ROR1: variants seen among roughly 807,000 people sequenced by gnomAD.
The protein encoded by ROR1 is inactive tyrosine-protein kinase transmembrane receptor ROR1.
Under a neutral mutation model 78.8 loss-of-function variants are expected in ROR1, and 19 were observed. The ratio of observed to expected loss-of-function variants is 0.24; its 90% CI spans 0.17 to 0.35. ROR1 has a LOEUF of 0.35. ROR1 is among the 10% of genes least tolerant of loss of function. The probability of loss-of-function intolerance (pLI) is 1.00; values close to 1 mark genes in which losing one functional copy is unlikely to be tolerated. For synonymous variants in ROR1, 386 were observed against 433.6 expected (o/e 0.89, Z 1.36); for missense variants, 917 against 1,177.8 (o/e 0.78, Z 3.24).
intron 4 of ROR1, among the ~76,000 whole-genome samples, chr1:64,073,893 T>C (rs1255746918): frequency 6.6e-6 from 1 of 152,254 alleles, no homozygotes; most frequent in Non-Finnish European, 1.5e-5. Context: ...AGCTCCCCTT[T>C]GTAGCTCTGC....
intron 1 of ROR1, among the ~76,000 whole-genome samples, chr1:63,786,066 A>G (rs1019008911): frequency 1.2e-4 from 18 of 151,872 alleles, no homozygotes; most frequent in Non-Finnish European, 1.3e-4. Context: ...TGAACTGAGC[A>G]TGTCCAGTCT....
chr1:64,032,225 C>T (rs1035283174), intron 2 of ROR1, among the ~76,000 whole-genome samples: 1 of 151,258 alleles, frequency 6.6e-6, no homozygotes, highest in African/African-American at 2.4e-5. Context: ...CCTGTAGTCC[C>T]AGCTACTCAG....
At chr1:64,147,646 T>G (rs1330499943) in intron 7 of ROR1, among the ~76,000 whole-genome samples, 1 of 151,734 alleles carries the variant, frequency 6.6e-6, no homozygotes, top group African/African-American at 2.4e-5. Context: ...GGGCATTTGA[T>G]TTTTTTTTCT....
chr1:63,789,811 C>A (rs940838961), intron 1 of ROR1, among the ~76,000 whole-genome samples: 1 of 150,796 alleles, frequency 6.6e-6, no homozygotes, highest in Non-Finnish European at 1.5e-5. Flanking sequence ...TCATGCATAT[C>A]TTCAGTGTTC....
intron 1 of ROR1, chr1:63,843,095 C>T (rs1645058977): frequency 1.7e-6 from 1 of 575,398 alleles, no homozygotes. Context: ...CTGGGATCCC[C>T]CCAGCCCCTC....
intron 1 of ROR1, among the ~76,000 whole-genome samples, chr1:63,796,950 A>G (rs1644765208): frequency 6.6e-6 from 1 of 152,198 alleles, no homozygotes; most frequent in Non-Finnish European, 1.5e-5. Context: ...TTTCAAGCAT[A>G]TATGAAAGTG....
At chr1:63,902,403 G>A (rs575949379) in intron 1 of ROR1, among the ~76,000 whole-genome samples, 6 of 151,090 alleles carry the variant, frequency 4.0e-5, no homozygotes, top group African/African-American at 1.5e-4. Context: ...CTGCAGCCTC[G>A]ACCTCCCAAG....
intron 3 of ROR1, 34 bp from the exon 4 acceptor site, chr1:64,050,652 G>A: frequency 1.2e-6 from 2 of 1,608,394 alleles, no homozygotes; most frequent in Non-Finnish European, 1.7e-6. Flanking sequence ...AACCTAGACT[G>A]ACTGTTTCTT....
rs950119295 is a variant in ROR1, at chr1:64,179,335, A to T, written c.*480A>T. On this transcript the variant is annotated 3_prime_UTR_variant, in exon 9 of 9. Coordinates refer to ENST00000371079, the MANE Select transcript of ROR1 (RefSeq NM_005012.4). ...TATTGATTGAATTTAGACTCTGTGC[A>T]TGTTCTTATGGAAATGATGTTCAGA... is the stretch of plus-strand genomic sequence containing the variant. The T allele has an allele frequency of 6.5e-6, 1 of 153,386 alleles. No individual in the cohort carries two copies. Among genetic ancestry groups the T allele is most frequent in the African/African-American group, 2.4e-5 (1 of 41,466 alleles). The allele number at this position is 153,386 out of a possible 1,614,324, so 9.5% of individuals were successfully genotyped here. A position where few individuals can be genotyped will look rare whatever the true frequency, so the allele number is the denominator to read the frequency against.
chr1:63,854,127 G>GTT (rs750138387), intron 1 of ROR1, among the ~76,000 whole-genome samples: 17 of 151,936 alleles, frequency 1.1e-4, no homozygotes, highest in Non-Finnish European at 1.5e-4. Flanking sequence ...AAAATAAAAC[G>GTT]TTTTCAATGG....
chr1:63,805,794 T>TC (rs1644824933), intron 1 of ROR1, among the ~76,000 whole-genome samples: 1 of 152,186 alleles, frequency 6.6e-6, no homozygotes, highest in Non-Finnish European at 1.5e-5. Context: ...AGCAGGAGGA[T>TC]CTTTTAAGGA....
intron 1 of ROR1, among the ~76,000 whole-genome samples, chr1:63,886,644 A>G (rs1239832347): frequency 1.3e-5 from 2 of 152,144 alleles, no homozygotes; most frequent in African/African-American, 4.8e-5. Context: ...TCTCCTTCAG[A>G]ATGTTGAAGG....
intron 1 of ROR1, among the ~76,000 whole-genome samples, chr1:63,998,445 TATTG>T (rs1376242159): frequency 1.3e-5 from 2 of 152,178 alleles, no homozygotes; most frequent in Non-Finnish European, 2.9e-5. Flanking sequence ...AAAATATTTT[TATTG>T]ATATCAGTGT....
intron 1 of ROR1, among the ~76,000 whole-genome samples, chr1:63,879,221 A>G (rs565775825): frequency 6.6e-6 from 1 of 152,292 alleles, no homozygotes; most frequent in South Asian, 2.1e-4. Context: ...GAGGAAGCTC[A>G]TCTGGAGTGA....
chr1:64,071,112 C>T (rs1647000001), intron 4 of ROR1, among the ~76,000 whole-genome samples: 1 of 152,060 alleles, frequency 6.6e-6, no homozygotes, highest in African/African-American at 2.4e-5. Context: ...ATTGGATGAG[C>T]GAGTTGTGGG....
intron 1 of ROR1, among the ~76,000 whole-genome samples, chr1:63,938,217 T>C (rs1645808783): frequency 6.6e-6 from 1 of 152,208 alleles, no homozygotes; most frequent in African/African-American, 2.4e-5. Context: ...CAATAGAGTA[T>C]AGAATCTATT....
chr1:63,980,822 G>A (rs1338944519), intron 1 of ROR1, among the ~76,000 whole-genome samples: 1 of 152,234 alleles, frequency 6.6e-6, no homozygotes, highest in Non-Finnish European at 1.5e-5. Flanking sequence ...GGGCCAAGGA[G>A]CACTTGCCCC....
chr1:64,021,222 T>C (rs55994695), intron 2 of ROR1, among the ~76,000 whole-genome samples: 5,766 of 152,246 alleles, frequency 0.038, 383 homozygotes, highest in African/African-American at 0.13. Flanking sequence ...TAAAACTGAC[T>C]TACAAGATTT....
At chr1:63,897,740 A>G (rs913926639) in intron 1 of ROR1, among the ~76,000 whole-genome samples, 1 of 152,220 alleles carries the variant, frequency 6.6e-6, no homozygotes, top group African/African-American at 2.4e-5. Context: ...AATATTTATC[A>G]AATGAACTGT....
Sources: allele counts gnomAD v4.1 joint callset (sites outside exome capture counted in the v4.1 genomes callset), GRCh38; gene constraint gnomAD v4.1.1; transcripts MANE v1.5; gene names NCBI Gene and HGNC (gene_info 2026-07-23, HGNC 2026-07-21).